Variants in GALNTL5 observed in about 807,000 individuals in gnomAD.
The protein encoded by GALNTL5 is inactive polypeptide N-acetylgalactosaminyltransferase-like protein 5.
A neutral mutation model predicts 51.0 loss-of-function variants in GALNTL5; 44 were observed. That is an observed-to-expected ratio of 0.86 (90% CI 0.68 to 1.11). The LOEUF (loss-of-function observed/expected upper bound fraction) is 1.11. Among genes scored for constraint, GALNTL5 ranks in the 50% least tolerant of loss-of-function variants. GALNTL5 has a pLI of 0.00. For missense variants in GALNTL5, 528 were observed against 531.8 expected, an observed-to-expected ratio of 0.99 and a Z score of 0.07; for synonymous variants, 192 against 182.8, an observed-to-expected ratio of 1.05 and a Z score of -0.41.
chr7:151,967,989 G>A (rs1448998554), intron 2 of GALNTL5, among the ~76,000 whole-genome samples: 3 of 152,098 alleles, frequency 2.0e-5, no homozygotes, highest in Non-Finnish European at 4.4e-5. Flanking sequence ...ATTTTTCCAT[G>A]TTCCCACACA....
intron 1 of GALNTL5, 122 bp from the exon 2 acceptor site, chr7:151,967,086 A>G (rs1173965017): frequency 3.3e-6 from 2 of 598,952 alleles, no homozygotes; most frequent in Non-Finnish European, 5.9e-6. Context: ...CACTTTATGT[A>G]TATGATAAGG....
At chr7:152,008,799 T>C (rs2081689394) in intron 7 of GALNTL5, among the ~76,000 whole-genome samples, 1 of 152,166 alleles carries the variant, frequency 6.6e-6, no homozygotes, top group Admixed American at 6.5e-5. Flanking sequence ...GTAGGCATTA[T>C]TTTATAACGC....
Position 151,973,045 on chromosome 7 carries a change from G to A in GALNTL5, c.368+1980G>A, listed in dbSNP as rs7786595. Among the ~76,000 whole-genome samples, 898 of 152,222 alleles carry A rather than the reference G, an allele frequency of 5.9e-3. 9 individuals are homozygous for A. The highest frequency in any genetic ancestry group is 0.021 in the African/African-American group (865 of 41,532). On this transcript the variant is annotated intron_variant, in intron 3 of 8. Transcript: ENST00000392800. Reference sequence around the variant, plus strand: ...AACACCAGCCCTTGAAAGCAGCTGCGGGGGATGTACCCTGCAGAGCCACAG... The same window carrying A: ...AACACCAGCCCTTGAAAGCAGCTGCAGGGGATGTACCCTGCAGAGCCACAG...
intron 4 of GALNTL5, 108 bp downstream of exon 4, chr7:151,983,260 C>A (rs750560093): frequency 1.1e-6 from 1 of 901,772 alleles, no homozygotes. Flanking sequence ...TCACTGCAAC[C>A]TCTGCCTCCT....
intron 3 of GALNTL5, among the ~76,000 whole-genome samples, chr7:151,982,675 A>G (rs2151946917): frequency 6.6e-6 from 1 of 152,268 alleles, no homozygotes; most frequent in South Asian, 2.1e-4. Flanking sequence ...TTTATAACAG[A>G]AGCTAATACA....
chr7:152,015,339 G>T (rs2081794339), intron 8 of GALNTL5, among the ~76,000 whole-genome samples: 1 of 149,412 alleles, frequency 6.7e-6, no homozygotes, highest in South Asian at 2.1e-4. Flanking sequence ...GCTTCTCCTT[G>T]CCCCGTCCCC....
chr7:152,000,954 G>T, intron 5 of GALNTL5, among the ~76,000 whole-genome samples: 2 of 135,114 alleles, frequency 1.5e-5, no homozygotes, highest in Admixed American at 8.0e-5. Flanking sequence ...CACCCAGGCT[G>T]GAGTGCAGTG....
intron 8 of GALNTL5, among the ~76,000 whole-genome samples, chr7:152,016,485 T>G (rs1355038024): frequency 6.6e-6 from 1 of 152,126 alleles, no homozygotes; most frequent in East Asian, 1.9e-4. Flanking sequence ...ATGGGAGTGT[T>G]GACTTTTACA....
chr7:151,989,588 G>A lies in GALNTL5; in HGVS notation c.658+2307G>A, dbSNP rs528785712. Reference sequence around the variant, plus strand: ...TATCTTTGTGTGATTGATTGTGCCTGTAAGATAAATTCCTAAAAGTGGAAT... The same window carrying A: ...TATCTTTGTGTGATTGATTGTGCCTATAAGATAAATTCCTAAAAGTGGAAT... On this transcript the variant is annotated intron_variant, in intron 5 of 8. Coordinates refer to ENST00000392800, the MANE Select transcript of GALNTL5 (RefSeq NM_145292.4). Among the ~76,000 whole-genome samples, 60 of 152,338 alleles carry A rather than the reference G, an allele frequency of 3.9e-4. 1 individual carries two copies. In the South Asian group the frequency reaches 0.012, roughly 32 times the overall value.
At chr7:151,989,506 T>C (rs2081401031) in intron 5 of GALNTL5, among the ~76,000 whole-genome samples, 1 of 152,216 alleles carries the variant, frequency 6.6e-6, no homozygotes, top group Non-Finnish European at 1.5e-5. Flanking sequence ...TCTGAATAGG[T>C]TATTTTTCTT....
At position 152,002,841 on chromosome 7, in the gene GALNTL5, A is replaced by G. The variant is rs1327328494; in HGVS notation, c.786A>G (p.Arg262=). The change falls in exon 6 of 9, where the codon AGA becomes AGG. Residue 262 remains arginine (R), a synonymous_variant. Transcript: ENST00000392800. ...CCCTGATAGATGTCATTGATGATAG[A>G]ACTCTGGAGTATAAGCCCTCTCCTC... is the stretch of plus-strand genomic sequence containing the variant. ...VCPLIDVIDD[R]TLEYKPSPLV... is the part of the protein sequence containing the mutation. 1 of 1,614,166 alleles carries G rather than the reference A, an allele frequency of 6.2e-7. No individual in the cohort carries two copies. Among genetic ancestry groups the G allele is most frequent in the Admixed American group, 1.7e-5 (1 of 60,020 alleles).
Position 152,002,838 on chromosome 7 carries a change from T to C in GALNTL5, c.783T>C (p.Asp261=). Residue 261 remains aspartate (D), a synonymous_variant, in exon 6 of 9, where the codon GAT becomes GAC. Coordinates refer to ENST00000392800, the MANE Select transcript of GALNTL5 (RefSeq NM_145292.4). ...VVCPLIDVID[D]RTLEYKPSPL... The stretch of plus-strand genomic sequence containing the variant: ...GCCCCCTGATAGATGTCATTGATGA[T>C]AGAACTCTGGAGTATAAGCCCTCTC... 2 of 1,614,182 alleles carry C rather than the reference T, an allele frequency of 1.2e-6. No homozygotes were observed. The highest frequency in any genetic ancestry group is 1.7e-6 in the Non-Finnish European group (2 of 1,180,022).
intron 3 of GALNTL5, among the ~76,000 whole-genome samples, chr7:151,976,788 C>A (rs894156248): frequency 6.6e-6 from 1 of 152,098 alleles, no homozygotes; most frequent in Admixed American, 6.6e-5. Flanking sequence ...CTGCCTCAGC[C>A]TCCTGAGTAG....
rs912561995 is a variant in GALNTL5, at chr7:151,958,053, A to G, written c.-40+1444A>G. 3.3e-5 allele frequency among the ~76,000 whole-genome samples: 5 copies of G among 152,188 alleles called. No homozygotes were observed. In the East Asian group the frequency reaches 9.6e-4, roughly 29 times the overall value. ...TCACGTCTAAAGAGAATTCCCCCCA[A>G]GTTTTCCTGATGTATTAGAATCTTT... On this transcript the variant is annotated intron_variant, in intron 1 of 8. Coordinates refer to ENST00000392800, the MANE Select transcript of GALNTL5 (RefSeq NM_145292.4).
Position 152,002,964 on chromosome 7 carries a change from G to T in GALNTL5, c.908+1G>T. 6.2e-7 allele frequency: 1 copy of T among 1,612,302 alleles called. No individual in the cohort carries two copies. Among genetic ancestry groups the T allele is most frequent in the East Asian group, 2.2e-5 (1 of 44,860 alleles). On this transcript the variant is annotated splice_donor_variant, in intron 6 of 8. Transcript: ENST00000392800. LOFTEE classifies it high-confidence loss of function. ...CAGAAGGATCTACTAAACCAATCCG[G>T]TGAGATTTCTTCTGGTTTTGGAAAA...
At chr7:152,007,180 A>G (rs867450580) in intron 6 of GALNTL5, among the ~76,000 whole-genome samples, 8 of 152,052 alleles carry the variant, frequency 5.3e-5, no homozygotes, top group African/African-American at 1.7e-4. Flanking sequence ...CAATTCACCT[A>G]ATGTCTTTAG....
At chr7:151,988,402 G>A (rs1298266400) in intron 5 of GALNTL5, among the ~76,000 whole-genome samples, 1 of 152,190 alleles carries the variant, frequency 6.6e-6, no homozygotes, top group African/African-American at 2.4e-5. Context: ...CGAATCATTT[G>A]TAAGGGCATT....
intron 1 of GALNTL5, among the ~76,000 whole-genome samples, chr7:151,959,066 T>C (rs931760224): frequency 6.6e-6 from 1 of 152,202 alleles, no homozygotes; most frequent in African/African-American, 2.4e-5. Context: ...GGTCGTGGAC[T>C]CTGGCAACTC....
At chr7:152,014,549 T>TG in intron 7 of GALNTL5, 95 bp from the exon 8 acceptor site, 1 of 1,251,718 alleles carries the variant, frequency 8.0e-7, no homozygotes, top group South Asian at 1.5e-5. Flanking sequence ...ATTACAGGCA[T>TG]GAGCCACCGC....
Sources: allele counts gnomAD v4.1 joint callset (sites outside exome capture counted in the v4.1 genomes callset), GRCh38; gene constraint gnomAD v4.1.1; transcripts MANE v1.5; gene names NCBI Gene and HGNC (gene_info 2026-07-23, HGNC 2026-07-21).